Variants in TXNRD2 observed in about 807,000 individuals in gnomAD.
TXNRD2 encodes thioredoxin reductase 2, mitochondrial.
Under a neutral mutation model 70.8 loss-of-function variants are expected in TXNRD2, and 67 were observed. That is an observed-to-expected ratio of 0.95 (90% CI 0.78 to 1.16). The LOEUF (loss-of-function observed/expected upper bound fraction) is 1.16. Ranked by LOEUF, TXNRD2 falls within the 50% of genes most tolerant of loss-of-function variation. The pLI, the probability that TXNRD2 is intolerant of heterozygous loss-of-function variation, is 0.00. For missense variants in TXNRD2, 644 were observed against 719.9 expected, an observed-to-expected ratio of 0.89 and a Z score of 1.21; for synonymous variants, 301 against 295.8, an observed-to-expected ratio of 1.02 and a Z score of -0.18.
intron 2 of TXNRD2, among the ~76,000 whole-genome samples, chr22:19,920,696 C>T (rs1978058): frequency 0.34 from 51,475 of 152,172 alleles, 9,112 homozygotes; most frequent in Non-Finnish European, 0.38. Context: ...ACTTGACTGC[C>T]TCCCAAGGCA....
At chr22:19,917,959 C>A (rs1219634774) in intron 5 of TXNRD2, among the ~76,000 whole-genome samples, 184 bp downstream of exon 5, 1 of 152,216 alleles carries the variant, frequency 6.6e-6, no homozygotes, top group Admixed American at 6.5e-5. Context: ...CAGCAAAGGG[C>A]AGTCTCCCCT....
intron 4 of TXNRD2, among the ~76,000 whole-genome samples, chr22:19,918,571 C>T (rs1182628085): frequency 1.3e-5 from 2 of 152,104 alleles, no homozygotes; most frequent in African/African-American, 4.8e-5. Flanking sequence ...CGGCCTCCCA[C>T]CCGCACTCCT....
intron 8 of TXNRD2, among the ~76,000 whole-genome samples, chr22:19,905,414 G>A (rs1205363864): frequency 1.3e-5 from 2 of 151,900 alleles, no homozygotes; most frequent in East Asian, 1.9e-4. Context: ...CTTCCCGGCC[G>A]AGCCAGCTGC....
intron 8 of TXNRD2, among the ~76,000 whole-genome samples, chr22:19,906,958 C>T (rs532699525): frequency 4.3e-3 from 401 of 92,600 alleles, no homozygotes; most frequent in Non-Finnish European, 7.3e-3. Context: ...TAGCAGTGAC[C>T]GCTCTCAGGA....
intron 9 of TXNRD2, 138 bp from the exon 10 acceptor site, chr22:19,898,268 A>G (rs1192210103): frequency 1.3e-6 from 1 of 779,778 alleles, no homozygotes; most frequent in East Asian, 2.7e-5. Context: ...CAAGACCCCC[A>G]CCTCCACATC....
At chr22:19,878,005 C>T (rs550242290) in intron 16 of TXNRD2, 85 bp downstream of exon 16, 11 of 1,140,766 alleles carry the variant, frequency 9.6e-6, no homozygotes, top group Non-Finnish European at 1.4e-5. Flanking sequence ...GCAAGAGTGG[C>T]AGCAGCTCTC....
At chr22:19,921,809 C>A (rs1940929564) in intron 2 of TXNRD2, among the ~76,000 whole-genome samples, 1 of 152,180 alleles carries the variant, frequency 6.6e-6, no homozygotes, top group African/African-American at 2.4e-5. Context: ...GACAGAACCA[C>A]CTGGAAGGAC....
intron 14 of TXNRD2, 36 bp downstream of exon 14, chr22:19,880,143 G>T: frequency 6.2e-7 from 1 of 1,602,070 alleles, no homozygotes; most frequent in Non-Finnish European, 8.5e-7. Context: ...TCGTGGAGTC[G>T]CCACTGTCCT....
rs534621416 is a variant in TXNRD2 at position 19,895,770 on chromosome 22, C to G, written c.775-189G>C. ...GAGTGTCTAGCCCCTGTCCTGGCTC[C>G]AAGTCCTCAACCCTGGGCCCTATGG... On this transcript the variant is annotated intron_variant, in intron 10 of 17. Coordinates refer to ENST00000400521, the MANE Select transcript of TXNRD2 (RefSeq NM_006440.5). 7.9e-5 allele frequency among the ~76,000 whole-genome samples: 12 copies of G among 152,342 alleles called. No individual in the cohort carries two copies. The South Asian group carries it at 1.0e-3, about 13-fold the overall frequency.
At chr22:19,918,042 T>C (rs936451995) in intron 5 of TXNRD2, 101 bp downstream of exon 5, 3 of 1,045,138 alleles carry the variant, frequency 2.9e-6, no homozygotes, top group African/African-American at 3.1e-5. Context: ...CCCCAGAGCC[T>C]GCCAGAGCAT....
chr22:19,904,732 C>T (rs1359667391), intron 8 of TXNRD2, among the ~76,000 whole-genome samples: 1 of 152,102 alleles, frequency 6.6e-6, no homozygotes. Flanking sequence ...AGGGAGCCTC[C>T]TTGGTGGAGG....
At chr22:19,908,892 T>C (rs370893585) in intron 8 of TXNRD2, among the ~76,000 whole-genome samples, 35 of 152,282 alleles carry the variant, frequency 2.3e-4, no homozygotes, top group East Asian at 9.6e-4. Context: ...TTTAATACCA[T>C]TGAACTGTAT....
At chr22:19,880,300 C>T (rs1331163199) in intron 13 of TXNRD2, 29 bp from the exon 14 acceptor site, 1 of 1,608,850 alleles carries the variant, frequency 6.2e-7, no homozygotes. Context: ...TCAGGGAGGG[C>T]CCTTGGGCCC....
chr22:19,899,108 G>A (rs1813757320), intron 8 of TXNRD2, 40 bp from the exon 9 acceptor site: 1 of 1,605,928 alleles, frequency 6.2e-7, no homozygotes, highest in Admixed American at 1.7e-5. Context: ...TAAAGCTGAG[G>A]CCCTTATTGA....
At chr22:19,876,367 C>T (rs1332994553) in intron 17 of TXNRD2, 4 of 152,378 alleles carry the variant, frequency 2.6e-5, no homozygotes, top group Admixed American at 6.5e-5. Flanking sequence ...CGGCCCCTGC[C>T]CTGCAGCCCA....
chr22:19,910,460 C>A (rs930334821), intron 8 of TXNRD2, among the ~76,000 whole-genome samples: 8 of 152,180 alleles, frequency 5.3e-5, no homozygotes, highest in African/African-American at 1.9e-4. Context: ...CCCACTGGAA[C>A]CCCAGGGCTC....
rs1373726988 is a variant in TXNRD2, at chr22:19,880,522, C to T, written c.1182+100G>A. The T allele has an allele frequency of 1.3e-5, 14 of 1,115,498 alleles. No individual in the cohort carries two copies. The Admixed American group carries it at 1.6e-4, about 13-fold the overall frequency. The allele number at this position is 1,115,498 out of a possible 1,614,324, so 69.1% of individuals were successfully genotyped here. A position where few individuals can be genotyped will look rare whatever the true frequency, so the allele number is the denominator to read the frequency against. The stretch of plus-strand genomic sequence containing the variant: ...GCACACACACGCATGCCCACATCTA[C>T]ATGCAGACACACAGCGCACAAAGGC... On this transcript the variant is annotated intron_variant, in intron 13 of 17. Coordinates refer to ENST00000400521, the MANE Select transcript of TXNRD2 (RefSeq NM_006440.5).
intron 1 of TXNRD2, among the ~76,000 whole-genome samples, chr22:19,939,677 C>T (rs1284856395): frequency 6.6e-6 from 1 of 152,068 alleles, no homozygotes; most frequent in Non-Finnish European, 1.5e-5. Context: ...TTATAAATAC[C>T]CTCCTCTGTG....
In TXNRD2 at chr22:19,878,369, T is replaced by C; in HGVS notation, c.1344A>G (p.Val448=). 3 of 1,613,770 alleles carry C rather than the reference T, an allele frequency of 1.9e-6. No individual in the cohort carries two copies. The highest frequency in any genetic ancestry group is 1.7e-6 in the Non-Finnish European group (2 of 1,180,006). The change falls in exon 15 of 18, where the codon GTA becomes GTG. Residue 448 remains valine, a synonymous_variant. Transcript: ENST00000400521. ...CCTGGGCCACAGGGATGCTCACCTT[T>C]ACATAACACTGGGATGCATCTCGTC... ...VAGRDASQCY[V]KMVCLREPPQ... is the part of the protein sequence containing the mutation.
Sources: allele counts gnomAD v4.1 joint callset (sites outside exome capture counted in the v4.1 genomes callset), GRCh38; gene constraint gnomAD v4.1.1; transcripts MANE v1.5; gene names NCBI Gene and HGNC (gene_info 2026-07-23, HGNC 2026-07-21).